ANO2: variants seen among roughly 807,000 people sequenced by gnomAD.
ANO2 encodes the protein anoctamin-2.
Under a neutral mutation model 124.2 loss-of-function variants are expected in ANO2, and 101 were observed. That is an observed-to-expected ratio of 0.81 (90% confidence interval 0.69 to 0.96). The LOEUF (loss-of-function observed/expected upper bound fraction) is 0.96, where lower values mean the gene tolerates loss of function less well. Ranked by LOEUF, ANO2 falls within the 40% of genes least tolerant of loss-of-function variation. ANO2 has a pLI of 0.00. For missense variants in ANO2, 1,293 were observed against 1,274.5 expected (o/e 1.01, Z -0.22); for synonymous variants, 486 against 482.5 (o/e 1.01, Z -0.09).
intron 3 of ANO2, among the ~76,000 whole-genome samples, chr12:5,905,489 A>AT (rs1401672763): frequency 1.3e-5 from 2 of 152,186 alleles, no homozygotes; most frequent in Admixed American, 6.5e-5. Context: ...CCCAAGATTC[A>AT]TGAGGCCCCA....
chr12:5,880,375 T>A (rs1156881803), intron 3 of ANO2, among the ~76,000 whole-genome samples: 1 of 150,864 alleles, frequency 6.6e-6, no homozygotes, highest in Non-Finnish European at 1.5e-5. Flanking sequence ...TTAGGCCACA[T>A]AAATGTATGA....
chr12:5,638,533 C>G (rs1017570718), intron 15 of ANO2, among the ~76,000 whole-genome samples: 8 of 127,308 alleles, frequency 6.3e-5, no homozygotes, highest in African/African-American at 2.0e-4. Context: ...CCATGGCCGG[C>G]CCACATTATT....
chr12:5,772,549 T>C (rs1336333956), intron 10 of ANO2, among the ~76,000 whole-genome samples: 1 of 152,228 alleles, frequency 6.6e-6, no homozygotes, highest in African/African-American at 2.4e-5. Flanking sequence ...TGATGATAAA[T>C]TTTAATCTAA....
chr12:5,700,963 G>A (rs1219812128), intron 14 of ANO2, among the ~76,000 whole-genome samples: 5 of 151,998 alleles, frequency 3.3e-5, no homozygotes, highest in Non-Finnish European at 5.9e-5. Context: ...CTCACTGGAA[G>A]AGCACAGCCA....
At chr12:5,796,483 C>G (rs1221364960) in intron 10 of ANO2, among the ~76,000 whole-genome samples, 2 of 146,802 alleles carry the variant, frequency 1.4e-5, no homozygotes, top group African/African-American at 5.3e-5. Context: ...CACACACAAA[C>G]TCACAACACA....
intron 3 of ANO2, among the ~76,000 whole-genome samples, chr12:5,916,213 C>T (rs1263660137): frequency 6.6e-6 from 1 of 151,950 alleles, no homozygotes; most frequent in Non-Finnish European, 1.5e-5. Flanking sequence ...GGGAGTTGAG[C>T]CTGCAGTGAG....
chr12:5,791,387 C>T (rs751131645), intron 10 of ANO2, among the ~76,000 whole-genome samples: 3 of 152,128 alleles, frequency 2.0e-5, no homozygotes, highest in Non-Finnish European at 2.9e-5. Context: ...TGATATTTTA[C>T]TCCTGCTAGG....
At position 5,699,017 on chromosome 12, in the gene ANO2, T is replaced by C. The variant is rs1303889876; in HGVS notation, c.1545+33503A>G. On this transcript the variant is annotated intron_variant, in intron 14 of 24. Transcript: ENST00000682330. The stretch of plus-strand genomic sequence containing the variant: ...AATGGAACCAAGCTGGAAAACACTC[T>C]TCAGGATATTATCCAGGAGAACTTC... Among the ~76,000 whole-genome samples the C allele has an allele frequency of 2.0e-5, 3 of 152,208 alleles. No homozygotes were observed. In the East Asian group the frequency reaches 5.8e-4, roughly 29 times the overall value.
intron 13 of ANO2, among the ~76,000 whole-genome samples, chr12:5,735,375 A>G (rs1238672317): frequency 2.0e-5 from 3 of 152,170 alleles, no homozygotes; most frequent in African/African-American, 7.2e-5. Context: ...TGTCTGATGT[A>G]AAGAGGTAAG....
At chr12:5,698,948 G>A (rs1234394189) in intron 14 of ANO2, among the ~76,000 whole-genome samples, 1 of 152,230 alleles carries the variant, frequency 6.6e-6, no homozygotes, top group Non-Finnish European at 1.5e-5. Context: ...TATGTGAAAA[G>A]ACCAAATCTA....
chr12:5,880,809 T>C (rs1333369220), intron 3 of ANO2, among the ~76,000 whole-genome samples: 2 of 117,428 alleles, frequency 1.7e-5, no homozygotes, highest in East Asian at 2.8e-4. Flanking sequence ...GATGGATGAA[T>C]AGATGGGTGG....
rs76226941 is a variant in ANO2, at chr12:5,619,586, G to A, written c.1817-4289C>T. Reference sequence around the variant, plus strand: ...CCAGACAGACATGAGTGGAGGTGGCGTATGCTGCTTCCAAGCCTGGGCCTT... The same window carrying A: ...CCAGACAGACATGAGTGGAGGTGGCATATGCTGCTTCCAAGCCTGGGCCTT... On this transcript the variant is annotated intron_variant, in intron 16 of 24. Coordinates refer to ENST00000682330, the MANE Select transcript of ANO2 (RefSeq NM_001364791.2). 4.5e-3 allele frequency among the ~76,000 whole-genome samples: 690 copies of A among 152,270 alleles called. 10 individuals are homozygous for A. Among genetic ancestry groups the A allele is most frequent in the African/African-American group, 0.016 (665 of 41,550 alleles).
At chr12:5,564,096 T>C (rs1420494418) in intron 24 of ANO2, among the ~76,000 whole-genome samples, 4 of 152,222 alleles carry the variant, frequency 2.6e-5, no homozygotes, top group Non-Finnish European at 5.9e-5. Flanking sequence ...GGTTTTTGCC[T>C]TGACTTCGGG....
chr12:5,675,904 G>C (rs893649582), intron 14 of ANO2, among the ~76,000 whole-genome samples: 12 of 152,314 alleles, frequency 7.9e-5, no homozygotes, highest in African/African-American at 2.6e-4. Flanking sequence ...GCCCTTCTGA[G>C]ACTGGGAGGC....
intron 14 of ANO2, among the ~76,000 whole-genome samples, chr12:5,712,882 A>C (rs2137041699): frequency 6.6e-6 from 1 of 152,344 alleles, no homozygotes; most frequent in Admixed American, 6.5e-5. Flanking sequence ...AATGTTCGGC[A>C]GAAGAGGCTC....
intron 14 of ANO2, among the ~76,000 whole-genome samples, chr12:5,716,767 T>A (rs1950040355): frequency 6.6e-6 from 1 of 152,150 alleles, no homozygotes; most frequent in Non-Finnish European, 1.5e-5. Flanking sequence ...CGAAGCTGTA[T>A]CCAACAGGCC....
chr12:5,905,484 G>T (rs1382886298), intron 3 of ANO2, among the ~76,000 whole-genome samples: 4 of 152,272 alleles, frequency 2.6e-5, no homozygotes, highest in African/African-American at 7.2e-5. Flanking sequence ...AGGGGCCCAA[G>T]ATTCATGAGG....
chr12:5,609,174 T>A (rs144916471), intron 19 of ANO2: 430 of 152,298 alleles, frequency 2.8e-3, no homozygotes, highest in African/African-American at 9.4e-3. Context: ...ACAAGCATCA[T>A]CTAGCTTTGC....
Position 5,610,036 on chromosome 12 carries a change from TAA to T in ANO2, c.2087+2618_2087+2619del, listed in dbSNP as rs1565470563. Among the ~76,000 whole-genome samples the T allele has an allele frequency of 2.9e-5, 4 of 137,592 alleles. No individual in the cohort carries two copies. In the South Asian group the frequency reaches 8.6e-4, roughly 30 times the overall value. The allele number at this position is 137,592 out of a possible 152,430, so 90.3% of individuals were successfully genotyped here. On this transcript the variant is annotated intron_variant, in intron 19 of 24. Coordinates refer to ENST00000682330, the MANE Select transcript of ANO2 (RefSeq NM_001364791.2). ...ATCTATAATATATTTATATTATAGATAAATATAAATATATTATATATAAATAT... is the reference window on the plus strand; with the variant it reads ...ATCTATAATATATTTATATTATAGATATATAAATATATTATATATAAATAT...
Sources: gnomAD v4.1 joint callset for allele counts (sites outside exome capture counted in the v4.1 genomes callset) on GRCh38, gnomAD v4.1.1 for gene constraint, MANE v1.5 for transcripts, NCBI Gene and HGNC (gene_info 2026-07-23, HGNC 2026-07-21) for gene names.